Variants in GPHN observed in about 807,000 individuals in gnomAD.
GPHN encodes the protein gephyrin.
A neutral mutation model predicts 95.5 loss-of-function variants in GPHN; 17 were observed. The ratio of observed to expected loss-of-function variants is 0.18; its 90% CI spans 0.12 to 0.27. GPHN has a LOEUF of 0.27. Among genes scored for constraint, GPHN ranks in the 10% least tolerant of loss-of-function variants. GPHN has a pLI of 1.00. For missense variants in GPHN, 660 were observed against 978.1 expected (o/e 0.67, Z 4.34); for synonymous variants, 320 against 322.5 (o/e 0.99, Z 0.08).
At chr14:67,538,333 C>T in the GPHN span, among the ~76,000 whole-genome samples, 3 of 152,202 alleles carry the variant, frequency 2.0e-5, no homozygotes, top group Non-Finnish European at 4.4e-5. Flanking sequence ...CTATGCAAGG[C>T]TCTAAGCAAG....
chr14:66,714,769 G>A (rs2070006367), intron 2 of GPHN, among the ~76,000 whole-genome samples: 1 of 152,086 alleles, frequency 6.6e-6, no homozygotes, highest in Non-Finnish European at 1.5e-5. Flanking sequence ...TTTATGTGAG[G>A]TATCACATTT....
At chr14:66,896,825 A>C (rs10131614) in intron 5 of GPHN, among the ~76,000 whole-genome samples, 48,969 of 151,484 alleles carry the variant, frequency 0.32, 12,602 homozygotes, top group African/African-American at 0.7. Context: ...ACAAAAAAAA[A>C]CAAAGACAAG....
chr14:66,646,845 G>GA (rs1424009293), intron 1 of GPHN, among the ~76,000 whole-genome samples: 1 of 151,986 alleles, frequency 6.6e-6, no homozygotes, highest in Non-Finnish European at 1.5e-5. Context: ...TCTTAAGAGG[G>GA]ATTAAGGTGG....
At chr14:67,177,144 C>T (rs1260038807) in intron 21 of GPHN, among the ~76,000 whole-genome samples, 2 of 152,044 alleles carry the variant, frequency 1.3e-5, no homozygotes, top group African/African-American at 2.4e-5. Flanking sequence ...TCCTCTTACT[C>T]CTCTAGTTCT....
At chr14:67,459,765 C>A in the GPHN span, among the ~76,000 whole-genome samples, 1 of 152,188 alleles carries the variant, frequency 6.6e-6, no homozygotes, top group African/African-American at 2.4e-5. Flanking sequence ...TGATTGGGAA[C>A]AACAATTATA....
intron 4 of GPHN, among the ~76,000 whole-genome samples, chr14:66,835,648 G>C (rs189516806): frequency 6.6e-6 from 1 of 152,140 alleles, no homozygotes; most frequent in South Asian, 2.1e-4. Flanking sequence ...AAAAGAGGAA[G>C]TCAAATTGTC....
intron 4 of GPHN, among the ~76,000 whole-genome samples, chr14:66,878,807 G>A (rs566387015): frequency 3.9e-4 from 60 of 152,256 alleles, no homozygotes; most frequent in Admixed American, 9.2e-4. Flanking sequence ...AGACAGTGTG[G>A]CGATTCCTCA....
intron 18 of GPHN, among the ~76,000 whole-genome samples, chr14:67,158,343 A>C (rs922835575): frequency 1.3e-5 from 2 of 151,952 alleles, no homozygotes; most frequent in African/African-American, 4.8e-5. Context: ...TTTTCCTAAA[A>C]ACCAGCAACT....
At chr14:66,586,199 C>T (rs188543777) in intron 1 of GPHN, among the ~76,000 whole-genome samples, 1 of 144,156 alleles carries the variant, frequency 6.9e-6, no homozygotes, top group African/African-American at 2.8e-5. Context: ...TTATCAGAGA[C>T]TAGGATTGCA....
chr14:66,594,865 T>C (rs1317972062), intron 1 of GPHN, among the ~76,000 whole-genome samples: 1 of 151,964 alleles, frequency 6.6e-6, no homozygotes, highest in Non-Finnish European at 1.5e-5. Flanking sequence ...GGAAACAGAA[T>C]GAAGAGAAAA....
chr14:66,701,985 C>G (rs2068597748), intron 2 of GPHN, among the ~76,000 whole-genome samples: 1 of 152,190 alleles, frequency 6.6e-6, no homozygotes, highest in African/African-American at 2.4e-5. Flanking sequence ...AGCTTGGTCC[C>G]AAGACATGTC....
chr14:66,808,409 A>G (rs1303757930), intron 3 of GPHN, among the ~76,000 whole-genome samples: 2 of 152,206 alleles, frequency 1.3e-5, no homozygotes, highest in Non-Finnish European at 2.9e-5. Context: ...TCTTTCAGTT[A>G]TAGTAAATAT....
chr14:67,153,098 A>C (rs1029615590), intron 18 of GPHN, among the ~76,000 whole-genome samples: 6 of 152,206 alleles, frequency 3.9e-5, no homozygotes, highest in African/African-American at 1.4e-4. Context: ...CAGGAGTTCT[A>C]AACCAGCCCA....
chr14:67,475,691 G>A, the GPHN span, among the ~76,000 whole-genome samples: 1 of 152,180 alleles, frequency 6.6e-6, no homozygotes, highest in Non-Finnish European at 1.5e-5. Context: ...CCAATGGATT[G>A]ACACAGGAAA....
intron 8 of GPHN, among the ~76,000 whole-genome samples, chr14:66,934,042 GGTGGAAGAAT>G (rs1278073074): frequency 1.2e-3 from 188 of 151,964 alleles, no homozygotes; most frequent in African/African-American, 4.3e-3. Context: ...GGGAGGCTGA[GGTGGAAGAAT>G]CACTTGAGCC....
the GPHN span, chr14:67,241,823 C>G: frequency 1.3e-5 from 2 of 152,024 alleles, no homozygotes; most frequent in South Asian, 4.2e-4. Context: ...CAGCCGAGCC[C>G]GAGGTGCAGG....
the GPHN span, chr14:67,569,937 C>T: frequency 6.2e-7 from 1 of 1,608,578 alleles, no homozygotes; most frequent in Non-Finnish European, 8.5e-7. Flanking sequence ...GCCCTCCTGC[C>T]CTTGTTTCCC....
the GPHN span, chr14:67,735,299 C>A: frequency 2.3e-6 from 2 of 859,742 alleles, no homozygotes; most frequent in Non-Finnish European, 2.0e-6. Context: ...CTACATCTCA[C>A]CTCTCTGTAG....
the GPHN span, among the ~76,000 whole-genome samples, chr14:67,381,108 C>A: frequency 1.3e-5 from 2 of 152,122 alleles, no homozygotes; most frequent in Non-Finnish European, 2.9e-5. Flanking sequence ...TAGCCTTTTC[C>A]ACCCAGTGTA....
Sources: allele counts gnomAD v4.1 joint callset (sites outside exome capture counted in the v4.1 genomes callset), GRCh38; gene constraint gnomAD v4.1.1; transcripts MANE v1.5; gene names NCBI Gene and HGNC (gene_info 2026-07-23, HGNC 2026-07-21).